The following UTRN variants were observed in gnomAD, a reference collection of about 807,000 sequenced individuals.
The protein encoded by UTRN is dystrophin-related protein 1.
Under a neutral mutation model 463.9 loss-of-function variants are expected in UTRN, and 283 were observed. The ratio of observed to expected loss-of-function variants is 0.61; its 90% confidence interval spans 0.55 to 0.67. UTRN has a LOEUF of 0.67. UTRN is among the 30% of genes least tolerant of loss of function. The probability of loss-of-function intolerance (pLI) is 0.00; values close to 1 mark genes in which losing one functional copy is unlikely to be tolerated. For missense variants in UTRN, 3,922 were observed against 4,084.3 expected (o/e 0.96, Z 1.08); for synonymous variants, 1,442 against 1,431.5 (o/e 1.01, Z -0.17).
intron 9 of UTRN, among the ~76,000 whole-genome samples, chr6:144,430,134 T>G (rs1785665260): frequency 6.6e-6 from 1 of 152,164 alleles, no homozygotes; most frequent in Non-Finnish European, 1.5e-5. Flanking sequence ...TTTTTGCCAT[T>G]GAGAAAAGAT....
chr6:144,592,372 A>AT (rs1803175382), intron 51 of UTRN, among the ~76,000 whole-genome samples: 1 of 151,870 alleles, frequency 6.6e-6, no homozygotes, highest in Admixed American at 6.6e-5. Context: ...TAAATTTTTA[A>AT]ATTTTTTTTT....
chr6:144,768,257 AATAG>A (rs5880611), intron 58 of UTRN, among the ~76,000 whole-genome samples: 62,435 of 151,626 alleles, frequency 0.41, 16,862 homozygotes, highest in East Asian at 0.82. Context: ...TATGAATAAT[AATAG>A]ATAGGTGGAA....
chr6:144,561,222 T>C lies in UTRN; in HGVS notation c.7289+3911T>C, dbSNP rs1249344184. ...AAATAACATTATATATATATATATA[T>C]ATATATATATATATATATATATATA... On this transcript the variant is annotated intron_variant, in intron 50 of 74. Transcript: ENST00000367545. Among the ~76,000 whole-genome samples the C allele has an allele frequency of 2.8e-4, 14 of 50,406 alleles. No individual in the cohort carries two copies. In the East Asian group the frequency reaches 3.4e-3, roughly 12 times the overall value. 33.1% of individuals were successfully genotyped at this position (50,406 alleles called of 152,430 possible).
rs546396522 is a variant in UTRN at position 144,844,227 on chromosome 6, G to A, written c.10271-2578G>A. Among the ~76,000 whole-genome samples the A allele has an allele frequency of 8.9e-4, 135 of 151,358 alleles. 1 individual carries two copies. In the Middle Eastern group the frequency reaches 0.014, roughly 16 times the overall value. ...AAATTGATGCAAAATAGAAATCAGC[G>A]TGGGAGGTAGACTCAGTGCCCAGTG... On this transcript the variant is annotated intron_variant, in intron 73 of 74. Coordinates refer to ENST00000367545, the MANE Select transcript of UTRN (RefSeq NM_007124.3).
intron 3 of UTRN, among the ~76,000 whole-genome samples, chr6:144,417,110 T>C (rs1784421078): frequency 1.3e-5 from 2 of 152,118 alleles, no homozygotes; most frequent in Non-Finnish European, 2.9e-5. Flanking sequence ...CGCTTTAAAG[T>C]GGTGTACTAG....
intron 52 of UTRN, among the ~76,000 whole-genome samples, chr6:144,693,614 A>G (rs1783662701): frequency 6.6e-6 from 1 of 151,928 alleles, no homozygotes; most frequent in African/African-American, 2.4e-5. Flanking sequence ...CCCTTCCCTG[A>G]TTAGCTATAC....
rs77919147 is a variant in UTRN, at chr6:144,519,307, G to C, written c.5541+2359G>C. ...CCTTAGTGATTTTTCAGGGGTTTCT[G>C]TTTTGGGATCTAAAAAGTTTTCATC... On this transcript the variant is annotated intron_variant, in intron 39 of 74. Transcript: ENST00000367545. Among the ~76,000 whole-genome samples, 375 of 152,110 alleles carry C rather than the reference G, an allele frequency of 2.5e-3. 12 individuals carry two copies. The East Asian group carries it at 0.058, about 23-fold the overall frequency.
intron 58 of UTRN, among the ~76,000 whole-genome samples, chr6:144,759,431 T>A (rs757345310): frequency 6.6e-6 from 1 of 152,128 alleles, no homozygotes; most frequent in Non-Finnish European, 1.5e-5. Flanking sequence ...GAATTTAATC[T>A]TACAAATTTA....
chr6:144,298,035 T>C (rs4896712), intron 2 of UTRN, among the ~76,000 whole-genome samples: 11,155 of 152,242 alleles, frequency 0.073, 677 homozygotes, highest in East Asian at 0.31. Flanking sequence ...TGAGCAGCTG[T>C]AAATATTAGT....
intron 16 of UTRN, among the ~76,000 whole-genome samples, chr6:144,448,215 A>G (rs975930718): frequency 2.0e-5 from 3 of 152,250 alleles, no homozygotes; most frequent in Non-Finnish European, 2.9e-5. Flanking sequence ...TGATAATACA[A>G]AAGAACGAAG....
chr6:144,537,003 A>G (rs1797597039), intron 43 of UTRN, among the ~76,000 whole-genome samples: 2 of 152,030 alleles, frequency 1.3e-5, no homozygotes, highest in African/African-American at 4.8e-5. Flanking sequence ...CTATTCAAAT[A>G]TAATAGTTAT....
At chr6:144,479,716 G>T in intron 25 of UTRN, 96 bp from the exon 26 acceptor site, 1 of 1,418,266 alleles carries the variant, frequency 7.1e-7, no homozygotes, top group Non-Finnish European at 9.5e-7. Flanking sequence ...ATTCGTTGTG[G>T]AAAGTTATTA....
chr6:144,539,488 T>A, intron 45 of UTRN, 45 bp downstream of exon 45: 1 of 1,526,378 alleles, frequency 6.6e-7, no homozygotes, highest in Middle Eastern at 2.1e-4. Context: ...TTTATTGATT[T>A]TGTTGTCAGA....
intron 2 of UTRN, among the ~76,000 whole-genome samples, chr6:144,303,456 C>T (rs2179337): frequency 0.049 from 7,408 of 152,172 alleles, 566 homozygotes; most frequent in African/African-American, 0.17. Context: ...TCAACACTTT[C>T]GGTTATTAGC....
intron 53 of UTRN, among the ~76,000 whole-genome samples, chr6:144,712,957 G>A (rs1156339701): frequency 6.6e-6 from 1 of 152,178 alleles, no homozygotes; most frequent in African/African-American, 2.4e-5. Context: ...CTCCTTTTGT[G>A]ATGATACTTA....
intron 2 of UTRN, among the ~76,000 whole-genome samples, chr6:144,362,102 A>T (rs945857120): frequency 2.0e-5 from 3 of 152,338 alleles, no homozygotes; most frequent in South Asian, 4.1e-4. Flanking sequence ...ATATCAACTC[A>T]TTGGAGCTGA....
intron 13 of UTRN, among the ~76,000 whole-genome samples, chr6:144,444,048 A>G (rs536290985): frequency 4.6e-5 from 7 of 152,186 alleles, no homozygotes; most frequent in Non-Finnish European, 8.8e-5. Context: ...ATACAGTTCT[A>G]TTATGTTAGT....
In UTRN at chr6:144,461,216, A is replaced by G; in HGVS notation, c.2727A>G (p.Gly909=). Residue 909 remains glycine, a synonymous_variant, in exon 22 of 75, where the codon GGA becomes GGG. Coordinates refer to ENST00000367545, the MANE Select transcript of UTRN (RefSeq NM_007124.3). ...HLENELKGQP[G]HAYLETLKTL... ...AAACAGAACTGAAGGGCCAACCTGGACATGCATATCTGGAAACATTGAAAA... is the reference window on the plus strand; with the variant it reads ...AAACAGAACTGAAGGGCCAACCTGGGCATGCATATCTGGAAACATTGAAAA... The G allele has an allele frequency of 6.3e-7, 1 of 1,593,556 alleles. No homozygotes were observed.
At position 144,533,282 on chromosome 6, in the gene UTRN, G is replaced by A. The variant is rs755511299; in HGVS notation, c.6233+22G>A. 4.3e-6 allele frequency: 7 copies of A among 1,612,542 alleles called. No homozygotes were observed. In the Admixed American group the frequency reaches 1.0e-4, roughly 23 times the overall value. ...CAAGGTGATTTAGCTATGATTGTTT[G>A]CAGGCACAGGAGTGAACATATTTTG... On this transcript the variant is annotated intron_variant, in intron 43 of 74. Transcript: ENST00000367545.
Sources: gnomAD v4.1 joint callset for allele counts (sites outside exome capture counted in the v4.1 genomes callset) on GRCh38, gnomAD v4.1.1 for gene constraint, MANE v1.5 for transcripts, NCBI Gene and HGNC (gene_info 2026-07-23, HGNC 2026-07-21) for gene names.